The following FRAS1 variants were observed in gnomAD, a reference collection of about 807,000 sequenced individuals.
The protein encoded by FRAS1 is extracellular matrix organizing protein FRAS1.
A neutral mutation model predicts 435.2 loss-of-function variants in FRAS1; 290 were observed. The ratio of observed to expected loss-of-function variants is 0.67; its 90% CI spans 0.61 to 0.73. The LOEUF is 0.73. Ranked by LOEUF, FRAS1 falls within the 30% of genes least tolerant of loss-of-function variation. The probability of loss-of-function intolerance (pLI) is 0.00; values close to 1 mark genes in which losing one functional copy is unlikely to be tolerated. For missense variants in FRAS1, 4,860 were observed against 5,001.5 expected (o/e 0.97, Z 0.85); for synonymous variants, 1,800 against 1,851.0 (o/e 0.97, Z 0.71).
At chr4:78,539,538 T>G (rs1282338163) in intron 73 of FRAS1, 98 bp downstream of exon 73, 1 of 1,133,126 alleles carries the variant, frequency 8.8e-7, no homozygotes, top group Non-Finnish European at 1.3e-6. Context: ...CTCTGGATTC[T>G]TCAACATTCT....
chr4:78,277,690 T>C (rs1160895619), intron 9 of FRAS1, among the ~76,000 whole-genome samples: 2 of 152,170 alleles, frequency 1.3e-5, no homozygotes, highest in Non-Finnish European at 2.9e-5. Flanking sequence ...CAAGCATTTA[T>C]TATTTTGTAA....
At chr4:78,065,777 T>C (rs1317275325) in intron 1 of FRAS1, among the ~76,000 whole-genome samples, 2 of 152,214 alleles carry the variant, frequency 1.3e-5, no homozygotes. Context: ...TTAATGATGC[T>C]TTTCCTCATG....
intron 2 of FRAS1, among the ~76,000 whole-genome samples, chr4:78,122,215 G>C (rs531450938): frequency 5.0e-4 from 76 of 152,266 alleles, no homozygotes; most frequent in African/African-American, 1.7e-3. Context: ...TTATGAGTGA[G>C]AACATTTGGT....
At chr4:78,440,209 T>C (rs1029830936) in intron 40 of FRAS1, among the ~76,000 whole-genome samples, 5 of 151,560 alleles carry the variant, frequency 3.3e-5, no homozygotes, top group Non-Finnish European at 7.4e-5. Flanking sequence ...TTTTTTTGTA[T>C]TTTTAGTAGA....
chr4:78,340,715 G>A (rs573427330), intron 20 of FRAS1, among the ~76,000 whole-genome samples: 1 of 152,190 alleles, frequency 6.6e-6, no homozygotes, highest in Non-Finnish European at 1.5e-5. Context: ...GAGGCTGGAA[G>A]TCCAAGATCA....
Position 78,526,504 on chromosome 4 carries a change from G to T in FRAS1, c.10809-37G>T, listed in dbSNP as rs776459943. 9 of 1,383,318 alleles carry T rather than the reference G, an allele frequency of 6.5e-6. No homozygotes were observed. In the South Asian group the frequency reaches 1.2e-4, roughly 18 times the overall value. 85.7% of individuals were successfully genotyped at this position (1,383,318 alleles called of 1,614,324 possible). ...TGGGTAAGCCAGCAACCTATCAGTT[G>T]TTCCCTACGATCACAGTCTGCTCTG... is the stretch of plus-strand genomic sequence containing the variant. On this transcript the variant is annotated intron_variant, in intron 69 of 73. Transcript: ENST00000512123.
At chr4:78,321,480 T>G (rs1729500745) in intron 18 of FRAS1, among the ~76,000 whole-genome samples, 1 of 152,144 alleles carries the variant, frequency 6.6e-6, no homozygotes, top group Non-Finnish European at 1.5e-5. Context: ...TTAGAGCATC[T>G]TAAATTTAAG....
chr4:78,450,279 C>T lies in FRAS1; in HGVS notation c.6403C>T (p.Leu2135=), dbSNP rs374467152. 6 of 1,613,752 alleles carry T rather than the reference C, an allele frequency of 3.7e-6. No individual in the cohort carries two copies. In the African/African-American group the frequency reaches 6.7e-5, roughly 18 times the overall value. ...GRLQMMKHGN[L]EQISIKGPIR... is the part of the protein sequence containing the mutation. ...CCTGCAGATGATGAAGCATGGCAACCTGGAGCAAATTTCTATTAAAGGCCC... is the reference window on the plus strand; with the variant it reads ...CCTGCAGATGATGAAGCATGGCAACTTGGAGCAAATTTCTATTAAAGGCCC... Residue 2135 remains leucine, a synonymous_variant, in exon 45 of 74, where the codon CTG becomes TTG. Transcript: ENST00000512123.
chr4:78,302,148 T>C (rs1304083399), intron 14 of FRAS1, among the ~76,000 whole-genome samples: 4 of 149,872 alleles, frequency 2.7e-5, no homozygotes, highest in Non-Finnish European at 5.9e-5. Flanking sequence ...AATGATGATT[T>C]CCAATTTCAT....
At chr4:78,282,480 T>G (rs1286924468) in intron 11 of FRAS1, among the ~76,000 whole-genome samples, 1 of 152,244 alleles carries the variant, frequency 6.6e-6, no homozygotes, top group East Asian at 1.9e-4. Flanking sequence ...GTAATCTCCT[T>G]TGATGTTTTT....
At chr4:78,380,451 A>C (rs1353667730) in intron 27 of FRAS1, among the ~76,000 whole-genome samples, 1 of 152,196 alleles carries the variant, frequency 6.6e-6, no homozygotes, top group Non-Finnish European at 1.5e-5. Flanking sequence ...TTTATTATCC[A>C]CATTATGGAA....
intron 30 of FRAS1, among the ~76,000 whole-genome samples, chr4:78,404,539 C>A (rs1733027759): frequency 6.6e-6 from 1 of 152,072 alleles, no homozygotes; most frequent in East Asian, 1.9e-4. Flanking sequence ...AGTACTGAAC[C>A]CTTCATCTTC....
Position 78,544,081 on chromosome 4 carries a change from T to A in FRAS1, c.*2957T>A, listed in dbSNP as rs553394027. On this transcript the variant is annotated 3_prime_UTR_variant, in exon 74 of 74. Coordinates refer to ENST00000512123, the MANE Select transcript of FRAS1 (RefSeq NM_025074.7). ...TTCAGTCTCAGTCTGCTATAGGTATTTGTTATTCTTGGATACTACACACCT... is the reference window on the plus strand; with the variant it reads ...TTCAGTCTCAGTCTGCTATAGGTATATGTTATTCTTGGATACTACACACCT... The A allele has an allele frequency of 8.5e-5, 13 of 152,752 alleles. No homozygotes were observed. The highest frequency in any genetic ancestry group is 3.4e-3 in the Middle Eastern group (1 of 294). 9.5% of individuals were successfully genotyped at this position (152,752 alleles called of 1,614,324 possible).
rs373412631 is a variant in FRAS1, at chr4:78,374,299, G to A, written c.3151+48G>A. The A allele has an allele frequency of 4.3e-5, 66 of 1,517,378 alleles. No individual in the cohort carries two copies. The East Asian group carries it at 9.9e-4, about 23-fold the overall frequency. 94.0% of individuals were successfully genotyped at this position (1,517,378 alleles called of 1,614,324 possible). ...TTCTGGAAAGAAGTGAGGGCAGCAA[G>A]TAAGTCACATGTGCTGACTCTCAGG... On this transcript the variant is annotated intron_variant, in intron 25 of 73. Transcript: ENST00000512123.
intron 9 of FRAS1, among the ~76,000 whole-genome samples, chr4:78,277,310 G>T (rs144633586): frequency 0.026 from 4,021 of 152,198 alleles, 183 homozygotes; most frequent in African/African-American, 0.09. Context: ...TCAGTGGGCT[G>T]CATCCACTGT....
chr4:78,466,141 G>T, intron 49 of FRAS1, 67 bp from the exon 50 acceptor site: 3 of 1,292,442 alleles, frequency 2.3e-6, no homozygotes, highest in Non-Finnish European at 3.3e-6. Context: ...CAGCAATTGG[G>T]CATCACTCAC....
intron 35 of FRAS1, among the ~76,000 whole-genome samples, chr4:78,428,574 C>T (rs1467988697): frequency 2.0e-5 from 3 of 152,180 alleles, no homozygotes; most frequent in African/African-American, 2.4e-5. Context: ...CCGCCTGCCT[C>T]GGCCTCCCAG....
intron 7 of FRAS1, among the ~76,000 whole-genome samples, chr4:78,265,715 T>C (rs1208362052): frequency 3.9e-5 from 6 of 152,202 alleles, no homozygotes; most frequent in Non-Finnish European, 8.8e-5. Flanking sequence ...AGTGCCTAGC[T>C]GGTCCAGAAA....
chr4:78,167,432 C>T (rs904779714), intron 2 of FRAS1, among the ~76,000 whole-genome samples: 1 of 151,980 alleles, frequency 6.6e-6, no homozygotes, highest in South Asian at 2.1e-4. Flanking sequence ...ATAGAACATT[C>T]TTTTTCTGTA....
Sources: gnomAD v4.1 joint callset for allele counts (sites outside exome capture counted in the v4.1 genomes callset) on GRCh38, gnomAD v4.1.1 for gene constraint, MANE v1.5 for transcripts, NCBI Gene and HGNC (gene_info 2026-07-23, HGNC 2026-07-21) for gene names.